Variants in NUSAP1 observed in about 807,000 individuals in gnomAD.
NUSAP1 encodes nucleolar and spindle associated protein 1, also known as nucleolar and spindle-associated protein 1.
A neutral mutation model predicts 52.8 loss-of-function variants in NUSAP1; 32 were observed. The observed-to-expected ratio is 0.61, with a 90% CI of 0.46 to 0.81. The LOEUF is 0.81. Ranked by LOEUF, NUSAP1 falls within the 40% of genes least tolerant of loss-of-function variation. The pLI is 0.00. For synonymous variants in NUSAP1, 195 were observed against 183.1 expected, an observed-to-expected ratio of 1.06 and a Z score of -0.52; for missense variants, 499 against 522.3, an observed-to-expected ratio of 0.96 and a Z score of 0.43.
chr15:41,376,314 G>A (rs1353653666), intron 9 of NUSAP1, among the ~76,000 whole-genome samples: 6 of 151,276 alleles, frequency 4.0e-5, no homozygotes, highest in Admixed American at 2.0e-4. Flanking sequence ...CAGGACAATC[G>A]CTTGAACCTA....
At chr15:41,349,007 A>C in intron 2 of NUSAP1, 91 bp from the exon 3 acceptor site, 2 of 1,293,018 alleles carry the variant, frequency 1.5e-6, no homozygotes, top group Admixed American at 2.4e-5. Context: ...TTGCATATGT[A>C]ATATGTTTTT....
At chr15:41,354,787 G>A (rs982088572) in intron 4 of NUSAP1, among the ~76,000 whole-genome samples, 10 of 151,504 alleles carry the variant, frequency 6.6e-5, no homozygotes, top group Non-Finnish European at 1.3e-4. Flanking sequence ...GGGAGGTTGA[G>A]GCAGGCAGAT....
rs369849789 is a variant in NUSAP1, at chr15:41,377,324, G to T, written c.1232+20G>T. The stretch of plus-strand genomic sequence containing the variant: ...GACAAAGTAAGTACATAATTATCCA[G>T]CTTTATAATTATTTTAATTTCAAAA... On this transcript the variant is annotated intron_variant, in intron 10 of 10. Transcript: ENST00000559596. 4.5e-5 allele frequency: 56 copies of T among 1,251,140 alleles called. No homozygotes were observed. In the African/African-American group the frequency reaches 7.5e-4, roughly 17 times the overall value. 77.5% of individuals were successfully genotyped at this position (1,251,140 alleles called of 1,614,324 possible). A position where few individuals can be genotyped will look rare whatever the true frequency, so the allele number is the denominator to read the frequency against.
rs779907954 is a variant in NUSAP1, at chr15:41,342,443, A to C, written c.151A>C (p.Asn51His). The C allele has an allele frequency of 6.3e-7, 1 of 1,589,150 alleles. No homozygotes were observed. The highest frequency in any genetic ancestry group is 8.6e-7 in the Non-Finnish European group (1 of 1,166,904). The change falls in exon 2 of 11, where the codon AAT becomes CAT. Residue 51 changes from asparagine (N) to histidine (H), a missense_variant. Coordinates refer to ENST00000559596, the MANE Select transcript of NUSAP1 (RefSeq NM_016359.5). Reference protein sequence around the residue: ...GYIKHEARKGNENQDESQTSA... With the variant: ...GYIKHEARKGHENQDESQTSA... ...CATTAAACATGAGGCAAGAAAAGGA[A>C]ATGAGAATCAGGTGAGTAATGTTTT...
At chr15:41,335,359 A>G (rs2048079682) in intron 1 of NUSAP1, among the ~76,000 whole-genome samples, 1 of 142,620 alleles carries the variant, frequency 7.0e-6, no homozygotes, top group Admixed American at 7.7e-5. Context: ...ATACACTAAA[A>G]TAAACTAAAT....
intron 5 of NUSAP1, among the ~76,000 whole-genome samples, chr15:41,357,250 C>T (rs577539939): frequency 2.6e-5 from 4 of 151,902 alleles, no homozygotes; most frequent in African/African-American, 9.6e-5. Context: ...TGCCTTTAAC[C>T]CCAGCTACTT....
At chr15:41,349,947 A>T (rs2048721130) in intron 3 of NUSAP1, among the ~76,000 whole-genome samples, 1 of 151,676 alleles carries the variant, frequency 6.6e-6, no homozygotes, top group African/African-American at 2.4e-5. Context: ...TTGTATTTTT[A>T]GTAGAGACGA....
Position 41,349,392 on chromosome 15 carries a change from G to A in NUSAP1, c.306+151G>A, listed in dbSNP as rs1203084031. The A allele has an allele frequency of 5.7e-6, 4 of 696,486 alleles. No homozygotes were observed. In the African/African-American group the frequency reaches 7.2e-5, roughly 13 times the overall value. The allele number at this position is 696,486 out of a possible 1,614,324, so 43.1% of individuals were successfully genotyped here. A position where few individuals can be genotyped will look rare whatever the true frequency, so the allele number is the denominator to read the frequency against. ...CCATGAAAGCCCAGACCCAAGTCCA[G>A]CTGCTCATCACTGCATCCCAGGGCT... On this transcript the variant is annotated intron_variant, in intron 3 of 10. Transcript: ENST00000559596.
intron 4 of NUSAP1, among the ~76,000 whole-genome samples, chr15:41,354,805 T>C (rs1368992494): frequency 6.6e-6 from 1 of 151,074 alleles, no homozygotes; most frequent in African/African-American, 2.4e-5. Flanking sequence ...GATCACAAGG[T>C]CAGGAAATGG....
chr15:41,363,525 C>T (rs2049271010), intron 6 of NUSAP1, among the ~76,000 whole-genome samples: 1 of 151,972 alleles, frequency 6.6e-6, no homozygotes, highest in Non-Finnish European at 1.5e-5. Flanking sequence ...TAGTCATGCA[C>T]TACTACACCC....
At chr15:41,379,954 G>C in intron 10 of NUSAP1, 139 bp from the exon 11 acceptor site, 1 of 605,864 alleles carries the variant, frequency 1.7e-6, no homozygotes, top group Non-Finnish European at 3.0e-6. Context: ...GCAGAGCACA[G>C]TGCCCTCTAA....
At chr15:41,336,648 G>GTTTTTTTTTTTTTTTTTTTTTT (rs75426159) in intron 1 of NUSAP1, among the ~76,000 whole-genome samples, 3 of 91,348 alleles carry the variant, frequency 3.3e-5, no homozygotes, top group African/African-American at 1.2e-4. Context: ...CCTCCTTTTG[G>GTTTTTTTTTTTTTTTTTTTTTT]TTTTTTTTTT....
At chr15:41,333,128 C>T (rs1409686001) in intron 1 of NUSAP1, 78 bp downstream of exon 1, 5 of 1,115,898 alleles carry the variant, frequency 4.5e-6, no homozygotes, top group African/African-American at 3.1e-5. Context: ...GCGAAGGGAC[C>T]GAGAGGGAAG....
At chr15:41,363,565 G>A (rs1405659023) in intron 6 of NUSAP1, among the ~76,000 whole-genome samples, 2 of 151,868 alleles carry the variant, frequency 1.3e-5, no homozygotes, top group Non-Finnish European at 2.9e-5. Flanking sequence ...GTAGAGACAG[G>A]CCTCCCTATG....
chr15:41,380,103 C>A lies in NUSAP1; in HGVS notation c.1243C>A (p.Arg415=). Reference sequence around the variant, plus strand: ...ACCTATCCCTCTCAGGGAAGAGCAACGGAAGAAACGCGAGCAAGAACGAAA... The same window carrying A: ...ACCTATCCCTCTCAGGGAAGAGCAAAGGAAGAAACGCGAGCAAGAACGAAA... ...QPHLQTKEEQ[R]KKREQERKEK... is the part of the protein sequence containing the mutation. The change falls in exon 11 of 11, where the codon CGG becomes AGG. Residue 415 remains arginine, a synonymous_variant. Transcript: ENST00000559596. The A allele has an allele frequency of 6.3e-7, 1 of 1,580,854 alleles. No individual in the cohort carries two copies. Among genetic ancestry groups the A allele is most frequent in the Non-Finnish European group, 8.6e-7 (1 of 1,163,460 alleles).
intron 1 of NUSAP1, among the ~76,000 whole-genome samples, chr15:41,340,999 G>A (rs2048346627): frequency 6.6e-6 from 1 of 152,174 alleles, no homozygotes; most frequent in African/African-American, 2.4e-5. Flanking sequence ...CCTTGAGAAG[G>A]ATGGCTGTGG....
intron 7 of NUSAP1, among the ~76,000 whole-genome samples, chr15:41,369,376 G>A (rs1012895499): frequency 1.3e-5 from 2 of 151,826 alleles, no homozygotes; most frequent in Non-Finnish European, 2.9e-5. Context: ...GTCCAGGTGC[G>A]GTGGCTCACA....
At chr15:41,333,837 G>A (rs1360367513) in intron 1 of NUSAP1, among the ~76,000 whole-genome samples, 1 of 152,140 alleles carries the variant, frequency 6.6e-6, no homozygotes, top group African/African-American at 2.4e-5. Flanking sequence ...GCTTGAACCT[G>A]GGAAGCCGAG....
intron 1 of NUSAP1, among the ~76,000 whole-genome samples, chr15:41,337,126 C>A (rs923380232): frequency 6.6e-6 from 1 of 151,444 alleles, no homozygotes; most frequent in Admixed American, 6.6e-5. Context: ...AAGCAATCCT[C>A]CCACCGCAGC....
Sources: gnomAD v4.1 joint callset for allele counts (sites outside exome capture counted in the v4.1 genomes callset) on GRCh38, gnomAD v4.1.1 for gene constraint, MANE v1.5 for transcripts, NCBI Gene and HGNC (gene_info 2026-07-23, HGNC 2026-07-21) for gene names.